FAM135A: variants seen among roughly 807,000 people sequenced by gnomAD.
The protein encoded by FAM135A is family with sequence similarity 135 member A.
Under a neutral mutation model 146.8 loss-of-function variants are expected in FAM135A, and 79 were observed. That is an observed-to-expected ratio of 0.54 (90% CI 0.45 to 0.65). FAM135A has a LOEUF of 0.65. FAM135A is among the 30% of genes least tolerant of loss of function. The probability of loss-of-function intolerance (pLI) is 0.00; values close to 1 mark genes in which losing one functional copy is unlikely to be tolerated. For missense variants in FAM135A, 1,623 were observed against 1,758.2 expected (o/e 0.92, Z 1.38); for synonymous variants, 562 against 603.6 (o/e 0.93, Z 1.01).
intron 5 of FAM135A, among the ~76,000 whole-genome samples, chr6:70,454,587 AGG>A (rs1192325433): frequency 9.2e-5 from 14 of 152,320 alleles, no homozygotes; most frequent in African/African-American, 4.8e-5. Flanking sequence ...TTTTCATATA[AGG>A]TGTAAGGAAG....
At chr6:70,506,128 T>C (rs1026484641) in intron 12 of FAM135A, among the ~76,000 whole-genome samples, 7 of 152,164 alleles carry the variant, frequency 4.6e-5, no homozygotes, top group African/African-American at 1.4e-4. Flanking sequence ...GTGGTAATAG[T>C]ATCAGAAAGG....
In FAM135A at chr6:70,536,321, A is replaced by G. The variant is rs746254637; in HGVS notation, c.4027A>G (p.Lys1343Glu). The G allele has an allele frequency of 6.2e-7, 1 of 1,613,522 alleles. No homozygotes were observed. Among genetic ancestry groups the G allele is most frequent in the Non-Finnish European group, 8.5e-7 (1 of 1,179,692 alleles). ...IRSVLTRPRF[K>E]YYLNKLHTFL... ...TTCAGTGCTTACAAGGCCAAGGTTTAAATATTACCTCAACAAACTTCATAC... is the reference window on the plus strand; with the variant it reads ...TTCAGTGCTTACAAGGCCAAGGTTTGAATATTACCTCAACAAACTTCATAC... The change falls in exon 19 of 22, where the codon AAA (lysine) becomes GAA (glutamate). Residue 1343 changes from lysine to glutamate, a missense_variant. By Grantham distance (56) the Lys-to-Glu change is moderately conservative. Around this residue, in one of 7 missense-constraint regions of FAM135A, gnomAD observed 1,061 missense variants for 1,113.8 expected, o/e 0.95. Coordinates refer to ENST00000418814, the MANE Select transcript of FAM135A (RefSeq NM_001162529.3).
intron 12 of FAM135A, among the ~76,000 whole-genome samples, chr6:70,509,917 G>A (rs1225344189): frequency 2.0e-5 from 3 of 152,074 alleles, no homozygotes; most frequent in African/African-American, 4.8e-5. Flanking sequence ...TATAACATTA[G>A]AATACCGTTT....
At chr6:70,427,812 CTTTAAA>C (rs1770548380) in intron 3 of FAM135A, among the ~76,000 whole-genome samples, 1 of 152,108 alleles carries the variant, frequency 6.6e-6, no homozygotes, top group African/African-American at 2.4e-5. Flanking sequence ...ATCTCTTTCT[CTTTAAA>C]TTTAAAAGTG....
intron 20 of FAM135A, among the ~76,000 whole-genome samples, chr6:70,540,473 C>T (rs902634127): frequency 6.6e-6 from 1 of 151,830 alleles, no homozygotes; most frequent in Non-Finnish European, 1.5e-5. Flanking sequence ...TACAGGCGCC[C>T]GCCACCACGC....
At chr6:70,444,583 GA>G (rs1282824595) in intron 4 of FAM135A, among the ~76,000 whole-genome samples, 1 of 151,510 alleles carries the variant, frequency 6.6e-6, no homozygotes, top group African/African-American at 2.4e-5. Flanking sequence ...AAGAATAAAA[GA>G]AAAAAATTTA....
chr6:70,431,283 C>G (rs544943077), intron 4 of FAM135A, among the ~76,000 whole-genome samples: 1 of 152,300 alleles, frequency 6.6e-6, no homozygotes, highest in Admixed American at 6.5e-5. Flanking sequence ...TGGATCATCT[C>G]AACGGTTCTA....
chr6:70,539,056 A>G (rs1797361592), intron 20 of FAM135A, among the ~76,000 whole-genome samples: 1 of 151,976 alleles, frequency 6.6e-6, no homozygotes, highest in African/African-American at 2.4e-5. Context: ...TTTACTGTCT[A>G]TAAATAACCT....
At chr6:70,440,471 G>C (rs1362939706) in intron 4 of FAM135A, among the ~76,000 whole-genome samples, 1 of 152,132 alleles carries the variant, frequency 6.6e-6, no homozygotes, top group Non-Finnish European at 1.5e-5. Flanking sequence ...AAGATCACCT[G>C]AGGTCAGGAG....
At chr6:70,471,045 T>C (rs1448590964) in intron 5 of FAM135A, among the ~76,000 whole-genome samples, 1 of 152,160 alleles carries the variant, frequency 6.6e-6, no homozygotes, top group Non-Finnish European at 1.5e-5. Flanking sequence ...ATTTGGAAAA[T>C]ACGGTATGAT....
At chr6:70,495,024 T>G (rs1218278601) in intron 11 of FAM135A, among the ~76,000 whole-genome samples, 3 of 152,200 alleles carry the variant, frequency 2.0e-5, no homozygotes, top group Non-Finnish European at 4.4e-5. Flanking sequence ...TATGTCAGCT[T>G]ATATTTTAAA....
At chr6:70,456,982 G>A (rs933773329) in intron 5 of FAM135A, among the ~76,000 whole-genome samples, 4 of 152,166 alleles carry the variant, frequency 2.6e-5, no homozygotes, top group Non-Finnish European at 5.9e-5. Flanking sequence ...CTCTGGGCAG[G>A]AACCTCAGAA....
chr6:70,511,379 A>C (rs1477924586), intron 12 of FAM135A, among the ~76,000 whole-genome samples: 1 of 151,956 alleles, frequency 6.6e-6, no homozygotes, highest in Non-Finnish European at 1.5e-5. Context: ...AATTTTAAAG[A>C]TATAAGGTAA....
intron 4 of FAM135A, among the ~76,000 whole-genome samples, chr6:70,451,344 A>G (rs1169097857): frequency 6.6e-6 from 1 of 152,218 alleles, no homozygotes; most frequent in Non-Finnish European, 1.5e-5. Context: ...ATTTTAAAAT[A>G]GCAATATTTT....
At chr6:70,469,780 G>A (rs1781208865) in intron 5 of FAM135A, among the ~76,000 whole-genome samples, 1 of 152,124 alleles carries the variant, frequency 6.6e-6, no homozygotes, top group Non-Finnish European at 1.5e-5. Flanking sequence ...AGTAGAACTA[G>A]GAGAGTGTGA....
At chr6:70,510,478 C>A (rs1790742814) in intron 12 of FAM135A, among the ~76,000 whole-genome samples, 1 of 152,052 alleles carries the variant, frequency 6.6e-6, no homozygotes, top group African/African-American at 2.4e-5. Flanking sequence ...TCCCTGGCAA[C>A]CGCTAGTCTC....
At chr6:70,552,455 G>A (rs1361601155) in intron 20 of FAM135A, among the ~76,000 whole-genome samples, 1 of 143,216 alleles carries the variant, frequency 7.0e-6, no homozygotes, top group Non-Finnish European at 1.5e-5. Flanking sequence ...AGGGGGAATA[G>A]TTGAAGATTC....
At chr6:70,424,320 A>G (rs114448352) in intron 2 of FAM135A, among the ~76,000 whole-genome samples, 3,776 of 152,308 alleles carry the variant, frequency 0.025, 111 homozygotes, top group African/African-American at 0.068. Context: ...TATTTGACAA[A>G]TACTATTCCG....
At chr6:70,541,336 T>C (rs1797882986) in intron 20 of FAM135A, among the ~76,000 whole-genome samples, 1 of 152,178 alleles carries the variant, frequency 6.6e-6, no homozygotes, top group Non-Finnish European at 1.5e-5. Flanking sequence ...TTTCACTTTT[T>C]TGGTTTCTGT....
Sources: allele counts gnomAD v4.1 joint callset (sites outside exome capture counted in the v4.1 genomes callset), GRCh38; gene constraint gnomAD v4.1.1; regional missense constraint gnomAD v4.1.1; transcripts MANE v1.5; gene names NCBI Gene and HGNC (gene_info 2026-07-23, HGNC 2026-07-21).